The following GCA variants were observed in gnomAD, a reference collection of about 807,000 sequenced individuals.
The protein encoded by GCA is grancalcin, EF-hand calcium-binding protein.
A neutral mutation model predicts 32.6 loss-of-function variants in GCA; 30 were observed. The ratio of observed to expected loss-of-function variants is 0.92; its 90% confidence interval spans 0.69 to 1.25. The LOEUF (loss-of-function observed/expected upper bound fraction) is 1.25, where lower values mean the gene tolerates loss of function less well. Ranked by LOEUF, GCA falls within the 50% of genes most tolerant of loss-of-function variation. The probability of loss-of-function intolerance (pLI) is 0.00; values close to 1 mark genes in which losing one functional copy is unlikely to be tolerated. For synonymous variants in GCA, 102 were observed against 84.6 expected (o/e 1.21, Z -1.13); for missense variants, 291 against 266.8 (o/e 1.09, Z -0.63).
intron 2 of GCA, among the ~76,000 whole-genome samples, chr2:162,351,116 G>A (rs1400825978): frequency 1.3e-5 from 2 of 152,104 alleles, no homozygotes; most frequent in East Asian, 1.9e-4. Context: ...TAAACAGTAA[G>A]GATTAAATCA....
At chr2:162,336,424 T>C (rs757103730) in intron 1 of GCA, among the ~76,000 whole-genome samples, 10 of 152,220 alleles carry the variant, frequency 6.6e-5, no homozygotes, top group African/African-American at 9.6e-5. Context: ...ATTTTTTGTA[T>C]CTTCTTTTCA....
At chr2:162,350,716 A>AT (rs1483310054) in intron 2 of GCA, among the ~76,000 whole-genome samples, 1 of 152,212 alleles carries the variant, frequency 6.6e-6, no homozygotes, top group Non-Finnish European at 1.5e-5. Flanking sequence ...TGTTTGAACT[A>AT]TTTGATACTT....
chr2:162,354,671 T>A (rs935776809), intron 3 of GCA, among the ~76,000 whole-genome samples: 1 of 152,228 alleles, frequency 6.6e-6, no homozygotes. Flanking sequence ...CAAGGGTTGC[T>A]TCTCAGCTTT....
intron 1 of GCA, among the ~76,000 whole-genome samples, chr2:162,323,780 G>A (rs1413518082): frequency 2.0e-5 from 3 of 151,718 alleles, no homozygotes; most frequent in Non-Finnish European, 4.4e-5. Context: ...CTCTGTTTTG[G>A]TACCAGTACC....
At position 162,361,349 on chromosome 2, in the gene GCA, T is replaced by C. The variant is rs940848939; in HGVS notation, c.*1106T>C. ...CCCTGGTATAAGATGTTATAATTAA[T>C]GTAATTTCTTTCTTGGCAAACACCT... On this transcript the variant is annotated 3_prime_UTR_variant, in exon 8 of 8. Transcript: ENST00000437150. The C allele has an allele frequency of 2.1e-5, 21 of 980,214 alleles. No homozygotes were observed. The highest frequency in any genetic ancestry group is 2.5e-5 in the Non-Finnish European group (21 of 825,496). The allele number at this position is 980,214 out of a possible 1,614,324, so 60.7% of individuals were successfully genotyped here.
chr2:162,375,293 T>G (rs1260909663), downstream of GCA, among the ~76,000 whole-genome samples: 1 of 152,194 alleles, frequency 6.6e-6, no homozygotes, highest in Non-Finnish European at 1.5e-5. Flanking sequence ...ACAAGGGAGA[T>G]TCAAGATCCA....
downstream of GCA, among the ~76,000 whole-genome samples, chr2:162,374,137 C>A (rs1337269052): frequency 6.6e-6 from 1 of 152,124 alleles, no homozygotes; most frequent in Non-Finnish European, 1.5e-5. Flanking sequence ...TTTAACCTTA[C>A]CTCTGTCCTA....
chr2:162,319,051 G>C, exon 1 of GCA: 1 of 428,508 alleles, frequency 2.3e-6, no homozygotes. Context: ...ACCCTCGGCT[G>C]GTGAATGTAG....
chr2:162,365,878 T>C (rs986127426), downstream of GCA, among the ~76,000 whole-genome samples: 6 of 151,604 alleles, frequency 4.0e-5, no homozygotes, highest in Admixed American at 2.6e-4. Context: ...TTGAGGAGAC[T>C]ACGTGAGGGA....
chr2:162,349,942 T>G (rs1392630959), intron 2 of GCA, among the ~76,000 whole-genome samples: 1 of 152,246 alleles, frequency 6.6e-6, no homozygotes, highest in African/African-American at 2.4e-5. Flanking sequence ...GAGTGTTCAC[T>G]AGGTCTAATG....
In GCA at chr2:162,361,264, C is replaced by T. The variant is rs540328099; in HGVS notation, c.*1021C>T. On this transcript the variant is annotated 3_prime_UTR_variant, in exon 8 of 8. Transcript: ENST00000437150. Reference sequence around the variant, plus strand: ...AGTAGGCACCACAGCAACTTTTCTGCGTGGTACTAAAACTGCCGAAAATGC... The same window carrying T: ...AGTAGGCACCACAGCAACTTTTCTGTGTGGTACTAAAACTGCCGAAAATGC... 17 of 984,248 alleles carry T rather than the reference C, an allele frequency of 1.7e-5. 1 individual carries two copies. Among genetic ancestry groups the T allele is most frequent in the South Asian group, 1.4e-4 (3 of 21,266 alleles). 61.0% of individuals were successfully genotyped at this position (984,248 alleles called of 1,614,324 possible). A position where few individuals can be genotyped will look rare whatever the true frequency, so the allele number is the denominator to read the frequency against.
chr2:162,373,722 TTTAAA>T, downstream of GCA: 3 of 1,233,104 alleles, frequency 2.4e-6, no homozygotes, highest in Non-Finnish European at 1.1e-6. Flanking sequence ...TTCAGGAGCA[TTTAAA>T]AAAATTTCAG....
intron 1 of GCA, among the ~76,000 whole-genome samples, chr2:162,330,068 C>G (rs2105271065): frequency 6.6e-6 from 1 of 152,292 alleles, no homozygotes; most frequent in Non-Finnish European, 1.5e-5. Flanking sequence ...TTTATCCAGT[C>G]TGTCACTGAT....
At chr2:162,333,618 A>C (rs930421665) in intron 1 of GCA, among the ~76,000 whole-genome samples, 10 of 152,296 alleles carry the variant, frequency 6.6e-5, no homozygotes, top group Admixed American at 1.3e-4. Context: ...ACTATGTGAG[A>C]GATTTTTAAA....
chr2:162,364,521 A>G (rs914520014), downstream of GCA, among the ~76,000 whole-genome samples: 4 of 151,226 alleles, frequency 2.6e-5, no homozygotes, highest in Admixed American at 1.3e-4. Context: ...TACCAATACA[A>G]TTTTTTCTGC....
intron 1 of GCA, among the ~76,000 whole-genome samples, chr2:162,328,971 T>G (rs895322724): frequency 1.3e-5 from 2 of 152,180 alleles, no homozygotes; most frequent in African/African-American, 4.8e-5. Flanking sequence ...CTGCTTCTGC[T>G]GGTCAGTGGC....
intron 4 of GCA, among the ~76,000 whole-genome samples, chr2:162,370,380 T>C (rs1333378207): frequency 6.6e-6 from 1 of 152,160 alleles, no homozygotes; most frequent in African/African-American, 2.4e-5. Context: ...TAACATTTCT[T>C]AACTAGAACT....
chr2:162,328,370 G>A (rs550888380), intron 1 of GCA, among the ~76,000 whole-genome samples: 15 of 152,246 alleles, frequency 9.9e-5, no homozygotes, highest in Admixed American at 9.8e-4. Flanking sequence ...CAGCCTGGGT[G>A]ACAGAGCAAG....
At chr2:162,360,090 G>T in intron 7 of GCA, 127 bp from the exon 8 acceptor site, 1 of 605,060 alleles carries the variant, frequency 1.7e-6, no homozygotes, top group Non-Finnish European at 2.9e-6. Context: ...ATATTTATTG[G>T]CTTGAATTAT....
Sources: gnomAD v4.1 joint callset for allele counts (sites outside exome capture counted in the v4.1 genomes callset) on GRCh38, gnomAD v4.1.1 for gene constraint, MANE v1.5 for transcripts, NCBI Gene and HGNC (gene_info 2026-07-23, HGNC 2026-07-21) for gene names.